The following COL5A2 variants were observed in gnomAD, a reference collection of about 807,000 sequenced individuals.
The protein encoded by COL5A2 is collagen alpha-2(V) chain.
Under a neutral mutation model 208.2 loss-of-function variants are expected in COL5A2, and 23 were observed. That is an observed-to-expected ratio of 0.11 (90% confidence interval 0.08 to 0.16). COL5A2 has a LOEUF of 0.16. COL5A2 is among the 10% of genes least tolerant of loss of function. The pLI is 1.00. For missense variants in COL5A2, 1,590 were observed against 1,956.4 expected (o/e 0.81, Z 3.53); for synonymous variants, 625 against 628.5 (o/e 0.99, Z 0.08).
In COL5A2 at chr2:189,050,669, T is replaced by C. The variant is rs1311429224; in HGVS notation, c.2939A>G (p.Asp980Gly). ...DPGEDGQPGPDGPPGPAGTTG... is the reference protein window; with the variant it reads ...DPGEDGQPGPGGPPGPAGTTG... The stretch of plus-strand genomic sequence containing the variant: ...CGTTCCAGCTGGACCAGGGGGGCCA[T>C]CTGGACCCTAATGTTGAGGACAAAC... Residue 980 changes from aspartate to glycine, a missense_variant, in exon 43 of 54, where the codon GAT becomes GGT. Asp to Gly is a moderately conservative substitution (Grantham distance 94). Transcript: ENST00000374866. 1.3e-6 allele frequency: 2 copies of C among 1,551,374 alleles called. No individual in the cohort carries two copies. Among genetic ancestry groups the C allele is most frequent in the Non-Finnish European group, 1.7e-6 (2 of 1,146,834 alleles).
chr2:189,314,358 T>C, the COL5A2 span, among the ~76,000 whole-genome samples: 1 of 152,120 alleles, frequency 6.6e-6, no homozygotes, highest in South Asian at 2.1e-4. Flanking sequence ...AATAATAAAA[T>C]TAAGGCAGAA....
chr2:189,056,940 TAGCCCAGCTAGA>T, intron 35 of COL5A2, 21 bp downstream of exon 35: 1 of 1,609,284 alleles, frequency 6.2e-7, no homozygotes, highest in Non-Finnish European at 8.5e-7. Flanking sequence ...TGTTGGTTCC[TAGCCCAGCTAGA>T]AAAGGAATAC....
chr2:189,285,619 C>T, the COL5A2 span, among the ~76,000 whole-genome samples: 3 of 152,040 alleles, frequency 2.0e-5, no homozygotes, highest in South Asian at 2.1e-4. Context: ...AAGCAAGATC[C>T]CAGGTCATCT....
In COL5A2 at chr2:189,033,926, G is replaced by C; in HGVS notation, c.*144C>G. 1.0e-6 allele frequency: 1 copy of C among 998,208 alleles called. No homozygotes were observed. The highest frequency in any genetic ancestry group is 1.6e-6 in the Non-Finnish European group (1 of 639,548). 61.8% of individuals were successfully genotyped at this position (998,208 alleles called of 1,614,324 possible). The stretch of plus-strand genomic sequence containing the variant: ...AATATTCTGAAGGATAAGGAGGCCA[G>C]GCACTTAAGACCATATATACAATGC... On this transcript the variant is annotated 3_prime_UTR_variant, in exon 54 of 54. Coordinates refer to ENST00000374866, the MANE Select transcript of COL5A2 (RefSeq NM_000393.5).
chr2:189,397,319 A>T, the COL5A2 span, among the ~76,000 whole-genome samples: 1 of 152,290 alleles, frequency 6.6e-6, no homozygotes, highest in South Asian at 2.1e-4. Flanking sequence ...TGGGAATACA[A>T]AGGAGCTTGT....
chr2:189,081,857 C>T (rs1310447542), intron 12 of COL5A2, among the ~76,000 whole-genome samples: 1 of 152,118 alleles, frequency 6.6e-6, no homozygotes, highest in Non-Finnish European at 1.5e-5. Context: ...CTTATACTGT[C>T]TTAAAAGATA....
At chr2:189,191,183 CAAA>C (rs1216732160) in intron 1 of COL5A2, among the ~76,000 whole-genome samples, 1 of 137,026 alleles carries the variant, frequency 7.3e-6, no homozygotes, top group African/African-American at 2.7e-5. Context: ...AAAACAACAA[CAAA>C]AAAAACCACT....
chr2:189,121,295 T>A (rs958684815), intron 1 of COL5A2, among the ~76,000 whole-genome samples: 3 of 152,150 alleles, frequency 2.0e-5, no homozygotes, highest in Admixed American at 2.0e-4. Context: ...GTGTATAATA[T>A]TGTTACTCCT....
chr2:189,053,849 T>C, intron 37 of COL5A2, 46 bp downstream of exon 37: 2 of 1,469,630 alleles, frequency 1.4e-6, no homozygotes, highest in Non-Finnish European at 1.9e-6. Context: ...TTAATTGTTT[T>C]ATTGCTCAAT....
intron 35 of COL5A2, among the ~76,000 whole-genome samples, chr2:189,055,648 AT>A (rs1264906699): frequency 2.0e-5 from 3 of 152,286 alleles, no homozygotes; most frequent in South Asian, 4.1e-4. Flanking sequence ...ATGTTTATAG[AT>A]TTTTTATACA....
the COL5A2 span, among the ~76,000 whole-genome samples, chr2:189,340,253 A>ATGCC: frequency 1.3e-5 from 2 of 152,136 alleles, no homozygotes; most frequent in East Asian, 3.9e-4. Context: ...AGTGTGCTAC[A>ATGCC]TGCCCCAGGT....
chr2:189,296,579 G>C, the COL5A2 span, among the ~76,000 whole-genome samples: 3 of 152,312 alleles, frequency 2.0e-5, no homozygotes, highest in Admixed American at 2.0e-4. Flanking sequence ...AAGAGTGTTA[G>C]TTTTGTTTCA....
chr2:189,221,456 A>G (rs1217398164), intron 1 of COL5A2, among the ~76,000 whole-genome samples: 1 of 152,172 alleles, frequency 6.6e-6, no homozygotes, highest in Non-Finnish European at 1.5e-5. Context: ...AGGTCTTATC[A>G]TTCACTGATA....
At chr2:189,235,629 G>C in the COL5A2 span, among the ~76,000 whole-genome samples, 3 of 151,732 alleles carry the variant, frequency 2.0e-5, no homozygotes, top group Admixed American at 1.3e-4. Flanking sequence ...TGTTGCATAT[G>C]TTTTTTGGAA....
At chr2:189,268,609 T>C in the COL5A2 span, among the ~76,000 whole-genome samples, 4 of 152,100 alleles carry the variant, frequency 2.6e-5, no homozygotes, top group Admixed American at 2.0e-4. Flanking sequence ...AGTAGACATA[T>C]ACAAGACAAC....
chr2:189,237,164 G>T, the COL5A2 span, among the ~76,000 whole-genome samples: 1 of 151,732 alleles, frequency 6.6e-6, no homozygotes, highest in South Asian at 2.1e-4. Context: ...GTTCAAGAAA[G>T]ATTTTTTTAA....
At chr2:189,116,797 G>A (rs939440012) in intron 1 of COL5A2, among the ~76,000 whole-genome samples, 10 of 152,128 alleles carry the variant, frequency 6.6e-5, no homozygotes, top group African/African-American at 2.2e-4. Flanking sequence ...TTTGAGCTGA[G>A]TTAAATTTTT....
At chr2:189,420,494 C>T in the COL5A2 span, among the ~76,000 whole-genome samples, 1 of 152,036 alleles carries the variant, frequency 6.6e-6, no homozygotes, top group South Asian at 2.1e-4. Context: ...AACTAGTCTC[C>T]AATCTCGATT....
chr2:189,368,697 A>G, the COL5A2 span, among the ~76,000 whole-genome samples: 9 of 152,224 alleles, frequency 5.9e-5, no homozygotes, highest in Non-Finnish European at 2.9e-5. Flanking sequence ...TCTTTGTACA[A>G]CATAAATGGT....
Sources: allele counts gnomAD v4.1 joint callset (sites outside exome capture counted in the v4.1 genomes callset), GRCh38; gene constraint gnomAD v4.1.1; transcripts MANE v1.5; gene names NCBI Gene and HGNC (gene_info 2026-07-23, HGNC 2026-07-21).